Variants in PPP6C observed in about 807,000 individuals in gnomAD.
The protein encoded by PPP6C is protein phosphatase 6 catalytic subunit.
Under a neutral mutation model 39.8 loss-of-function variants are expected in PPP6C, and 11 were observed. The observed-to-expected ratio is 0.28, with a 90% CI of 0.17 to 0.46. The LOEUF (loss-of-function observed/expected upper bound fraction) is 0.46. PPP6C is among the 20% of genes least tolerant of loss of function. The pLI is 1.00. For missense variants in PPP6C, 211 were observed against 373.9 expected (o/e 0.56, Z 3.59); for synonymous variants, 129 against 130.3 (o/e 0.99, Z 0.07).
chr9:125,183,117 T>A (rs1829453018), intron 1 of PPP6C, among the ~76,000 whole-genome samples: 1 of 152,142 alleles, frequency 6.6e-6, no homozygotes, highest in African/African-American at 2.4e-5. Flanking sequence ...CTAAACTCTC[T>A]TCATCATAAC....
intron 2 of PPP6C, among the ~76,000 whole-genome samples, chr9:125,166,342 C>T (rs138613586): frequency 1.8e-3 from 279 of 152,186 alleles, no homozygotes; most frequent in Admixed American, 4.6e-3. Context: ...ATTTTGTCAT[C>T]GGCAACAAAT....
chr9:125,188,962 G>C (rs746014461), intron 1 of PPP6C: 228 of 1,543,926 alleles, frequency 1.5e-4, no homozygotes, highest in Non-Finnish European at 2.0e-4. Flanking sequence ...GTTAAGAAGG[G>C]GTTAAGGAGA....
chr9:125,166,022 C>A (rs912406065), intron 2 of PPP6C, among the ~76,000 whole-genome samples: 5 of 152,096 alleles, frequency 3.3e-5, no homozygotes, highest in Non-Finnish European at 7.3e-5. Context: ...GTCTCAAACT[C>A]CTGGGCTCAA....
At chr9:125,162,432 T>C (rs1343427016) in intron 2 of PPP6C, among the ~76,000 whole-genome samples, 1 of 122,758 alleles carries the variant, frequency 8.1e-6, no homozygotes, top group Admixed American at 1.1e-4. Context: ...CACTCCAGCC[T>C]GGGCAACAGA....
chr9:125,175,516 G>A lies in PPP6C; in HGVS notation c.76-4336C>T, dbSNP rs186357362. On this transcript the variant is annotated intron_variant, in intron 1 of 6. Coordinates refer to ENST00000373547, the MANE Select transcript of PPP6C (RefSeq NM_002721.5). Reference sequence around the variant, plus strand: ...AAATTAGCGGGGCATGGTGGCAGGCGCCTGTAGTCCCAGCTACTAGGGAGG... The same window carrying A: ...AAATTAGCGGGGCATGGTGGCAGGCACCTGTAGTCCCAGCTACTAGGGAGG... Among the ~76,000 whole-genome samples, 505 of 151,720 alleles carry A rather than the reference G, an allele frequency of 3.3e-3. 10 individuals carry two copies. The highest frequency in any genetic ancestry group is 1.6e-3 in the East Asian group (8 of 5,142).
At chr9:125,165,085 G>C (rs963879336) in intron 2 of PPP6C, among the ~76,000 whole-genome samples, 1 of 151,946 alleles carries the variant, frequency 6.6e-6, no homozygotes, top group Non-Finnish European at 1.5e-5. Flanking sequence ...CATCCAGTCT[G>C]CCCAGTAGTT....
At chr9:125,167,382 AAAAAAAAAAAAAAAAAAGAAAT>A (rs1342821845) in intron 2 of PPP6C, among the ~76,000 whole-genome samples, 7 of 126,974 alleles carry the variant, frequency 5.5e-5, no homozygotes, top group Admixed American at 2.7e-4. Context: ...CCCTGTCCAA[AAAAAAAAAAAAAAAAAAGAAAT>A]AAAAAAAAGG....
chr9:125,153,080 C>T (rs1353196789), intron 6 of PPP6C, among the ~76,000 whole-genome samples: 1 of 151,840 alleles, frequency 6.6e-6, no homozygotes, highest in Non-Finnish European at 1.5e-5. Flanking sequence ...CAAGACCAGC[C>T]TAGCCAACAC....
intron 1 of PPP6C, among the ~76,000 whole-genome samples, chr9:125,187,987 T>C (rs762728226): frequency 6.6e-6 from 1 of 152,070 alleles, no homozygotes; most frequent in Non-Finnish European, 1.5e-5. Context: ...CAACAGCACG[T>C]GTGGCCTCAA....
Position 125,148,809 on chromosome 9 carries a change from ATTAATATGGCAGTTATG to A in PPP6C, c.*847_*863del, listed in dbSNP as rs1564143759. 6.6e-6 allele frequency: 1 copy of A among 152,222 alleles called. No individual in the cohort carries two copies. 9.4% of individuals were successfully genotyped at this position (152,222 alleles called of 1,614,324 possible). On this transcript the variant is annotated 3_prime_UTR_variant, in exon 7 of 7. Transcript: ENST00000373547. ...TACTATAGAGGATATAAACCAAAAC[ATTAATATGGCAGTTATG>A]TTCTTTAGGCACAGTTTAGTGATTT...
intron 1 of PPP6C, 100 bp downstream of exon 1, chr9:125,189,544 C>T (rs1829615601): frequency 5.1e-6 from 8 of 1,559,218 alleles, no homozygotes; most frequent in East Asian, 2.3e-5. Flanking sequence ...GGCCCTCCAC[C>T]GCGACTGGAC....
intron 1 of PPP6C, among the ~76,000 whole-genome samples, chr9:125,174,057 CTA>C (rs1364668490): frequency 6.6e-6 from 1 of 152,194 alleles, no homozygotes; most frequent in Non-Finnish European, 1.5e-5. Context: ...TACATCCCTG[CTA>C]TATACAGGGA....
chr9:125,162,547 G>A (rs1424832582), intron 2 of PPP6C, among the ~76,000 whole-genome samples: 4 of 151,592 alleles, frequency 2.6e-5, no homozygotes, highest in Non-Finnish European at 4.4e-5. Flanking sequence ...GCTGAGGCAG[G>A]TGGATCATGA....
intron 2 of PPP6C, among the ~76,000 whole-genome samples, chr9:125,162,922 A>T (rs537618406): frequency 3.5e-4 from 54 of 152,194 alleles, no homozygotes; most frequent in Admixed American, 9.2e-4. Flanking sequence ...TACTAAAAAT[A>T]CAAAAATTAG....
Position 125,157,696 on chromosome 9 carries a change from G to GTT in PPP6C, c.379+543_379+544dup, listed in dbSNP as rs11375288. Among the ~76,000 whole-genome samples, 1,324 of 139,754 alleles carry GTT rather than the reference G, an allele frequency of 9.5e-3. 16 individuals are homozygous for GTT. Among genetic ancestry groups the GTT allele is most frequent in the Admixed American group, 0.025 (337 of 13,606 alleles). The allele number at this position is 139,754 out of a possible 152,430, so 91.7% of individuals were successfully genotyped here. On this transcript the variant is annotated intron_variant, in intron 4 of 6. Coordinates refer to ENST00000373547, the MANE Select transcript of PPP6C (RefSeq NM_002721.5). ...GCCCAGCATTCTCCTTTTTTTTTTG[G>GTT]TTTTTTTTTTTTTGAGACGGAGTCT...
At position 125,148,407 on chromosome 9, in the gene PPP6C, C is replaced by G. The variant is rs1274953962; in HGVS notation, c.*1266G>C. The G allele has an allele frequency of 1.3e-5, 2 of 152,152 alleles. No homozygotes were observed. The highest frequency in any genetic ancestry group is 2.9e-5 in the Non-Finnish European group (2 of 68,010). The allele number at this position is 152,152 out of a possible 1,614,324, so 9.4% of individuals were successfully genotyped here. ...GGAATACTTGTCCTTATTAAGTGGACAGTTGCATATTCAGAACTGATCATC... is the reference window on the plus strand; with the variant it reads ...GGAATACTTGTCCTTATTAAGTGGAGAGTTGCATATTCAGAACTGATCATC... On this transcript the variant is annotated 3_prime_UTR_variant, in exon 7 of 7. Transcript: ENST00000373547.
intron 4 of PPP6C, among the ~76,000 whole-genome samples, chr9:125,155,904 C>CAAAAAAAAAAAAAAAAAAAAAAAAA (rs1231626756): frequency 3.3e-5 from 2 of 61,454 alleles, no homozygotes; most frequent in African/African-American, 1.3e-4. Context: ...GACTCCGTCT[C>CAAAAAAAAAAAAAAAAAAAAAAAAA]AAAAAAAAAA....
intron 1 of PPP6C, among the ~76,000 whole-genome samples, chr9:125,171,550 GT>G (rs564903539): frequency 7.3e-6 from 1 of 136,742 alleles, no homozygotes; most frequent in African/African-American, 2.7e-5. Context: ...AGGTTTTTGG[GT>G]TTTTTTGTTT....
chr9:125,153,508 A>C (rs774108771), intron 6 of PPP6C, 25 bp downstream of exon 6: 1 of 1,606,300 alleles, frequency 6.2e-7, no homozygotes, highest in Non-Finnish European at 8.5e-7. Flanking sequence ...TCCACAAATT[A>C]CATTTCCAAA....
Sources: allele counts gnomAD v4.1 joint callset (sites outside exome capture counted in the v4.1 genomes callset), GRCh38; gene constraint gnomAD v4.1.1; transcripts MANE v1.5; gene names NCBI Gene and HGNC (gene_info 2026-07-23, HGNC 2026-07-21).